Variants in IMPG1 observed in about 807,000 individuals in gnomAD.
IMPG1 encodes interphotoreceptor matrix proteoglycan of 150 kDa.
A neutral mutation model predicts 92.0 loss-of-function variants in IMPG1; 85 were observed. That is an observed-to-expected ratio of 0.92 (90% CI 0.78 to 1.11). The LOEUF is 1.11. Ranked by LOEUF, IMPG1 falls within the 50% of genes least tolerant of loss-of-function variation. IMPG1 has a pLI of 0.00. For synonymous variants in IMPG1, 367 were observed against 334.1 expected (o/e 1.10, Z -1.08); for missense variants, 1,022 against 956.0 (o/e 1.07, Z -0.91).
chr6:75,962,947 A>G (rs764144018), intron 12 of IMPG1, among the ~76,000 whole-genome samples: 12 of 152,074 alleles, frequency 7.9e-5, no homozygotes, highest in Non-Finnish European at 1.6e-4. Flanking sequence ...AGGCTGAGGC[A>G]GGAGAATCAC....
intron 8 of IMPG1, among the ~76,000 whole-genome samples, chr6:76,009,391 A>G (rs922765444): frequency 2.6e-5 from 4 of 152,218 alleles, no homozygotes; most frequent in African/African-American, 9.6e-5. Flanking sequence ...CAACCTTTAT[A>G]CAAATGAGCT....
intron 12 of IMPG1, among the ~76,000 whole-genome samples, chr6:75,975,900 T>G (rs1399445050): frequency 6.6e-6 from 1 of 152,240 alleles, no homozygotes; most frequent in Non-Finnish European, 1.5e-5. Flanking sequence ...TTATGAGCAC[T>G]GAAATGGAAT....
intron 1 of IMPG1, among the ~76,000 whole-genome samples, chr6:76,064,380 T>C (rs1165369761): frequency 1.3e-5 from 2 of 151,712 alleles, no homozygotes; most frequent in Admixed American, 6.6e-5. Flanking sequence ...CTTTTTTTTT[T>C]TTTTTTAATG....
intron 5 of IMPG1, among the ~76,000 whole-genome samples, chr6:76,022,529 AGGCAGATGTT>A (rs1171284351): frequency 9.2e-5 from 14 of 152,202 alleles, no homozygotes; most frequent in African/African-American, 3.1e-4. Flanking sequence ...AAGGACACAT[AGGCAGATGTT>A]TACCTTGAAT....
At chr6:75,939,150 T>C (rs902602779) in intron 14 of IMPG1, among the ~76,000 whole-genome samples, 13 of 152,242 alleles carry the variant, frequency 8.5e-5, no homozygotes, top group African/African-American at 3.1e-4. Context: ...TCACTAAACT[T>C]AAGACAAACT....
At chr6:76,025,170 C>A (rs371854253) in intron 5 of IMPG1, 24 bp downstream of exon 5, 1 of 1,449,704 alleles carries the variant, frequency 6.9e-7, no homozygotes, top group African/African-American at 1.4e-5. Flanking sequence ...AGTTGAGAAG[C>A]AAAGAAATTA....
chr6:76,064,374 T>C (rs1473050947), intron 1 of IMPG1, among the ~76,000 whole-genome samples: 16 of 149,660 alleles, frequency 1.1e-4, no homozygotes, highest in African/African-American at 2.0e-4. Flanking sequence ...TTTTTTCTTT[T>C]TTTTTTTTTT....
chr6:75,931,158 G>C lies in IMPG1; in HGVS notation c.2045-7C>G. 1 of 1,607,228 alleles carries C rather than the reference G, an allele frequency of 6.2e-7. No homozygotes were observed. The highest frequency in any genetic ancestry group is 8.5e-7 in the Non-Finnish European group (1 of 1,176,270). On this transcript the variant is annotated splice_polypyrimidine_tract_variant and splice_region_variant and intron_variant, in intron 14 of 16. Coordinates refer to ENST00000369950, the MANE Select transcript of IMPG1 (RefSeq NM_001563.4). ...CAGGGATCTGCTTGATCAGCTGTAA[G>C]AAATGGGGCAGATTTTAACGCATGT...
At chr6:75,925,759 A>C (rs999185595) in intron 15 of IMPG1, among the ~76,000 whole-genome samples, 3 of 152,148 alleles carry the variant, frequency 2.0e-5, no homozygotes, top group African/African-American at 7.2e-5. Flanking sequence ...TCCATCTCCC[A>C]GGTTCAAGCG....
chr6:76,014,801 A>T (rs1783255020), intron 7 of IMPG1, among the ~76,000 whole-genome samples: 1 of 152,136 alleles, frequency 6.6e-6, no homozygotes, highest in African/African-American at 2.4e-5. Flanking sequence ...CCTCTCCAGG[A>T]GGGCTCCATG....
intron 14 of IMPG1, among the ~76,000 whole-genome samples, chr6:75,938,690 G>C (rs1234850090): frequency 1.3e-5 from 2 of 152,102 alleles, no homozygotes; most frequent in Non-Finnish European, 2.9e-5. Flanking sequence ...GTGCACCCCT[G>C]TGATACCAAC....
Position 75,950,651 on chromosome 6 carries a change from G to T in IMPG1, c.1735C>A (p.Leu579Met). ...KGRELVVFFSLRVANMAFSND... is the reference protein window; with the variant it reads ...KGRELVVFFSMRVANMAFSND... The stretch of plus-strand genomic sequence containing the variant: ...GAGAAGGCCATGTTAGCAACACGCA[G>T]ACTGAAGAACACTACCAGCTCTCGG... Residue 579 changes from leucine (L) to methionine (M), a missense_variant, in exon 13 of 17, where the codon CTG becomes ATG. Leu to Met is a conservative substitution (Grantham distance 15, BLOSUM62 2). This residue lies in a region of IMPG1 where 332 missense variants were observed against 346.2 expected (regional missense o/e 0.96). Transcript: ENST00000369950. The T allele has an allele frequency of 6.2e-7, 1 of 1,613,866 alleles. No individual in the cohort carries two copies. The highest frequency in any genetic ancestry group is 1.1e-5 in the South Asian group (1 of 91,040).
intron 1 of IMPG1, among the ~76,000 whole-genome samples, chr6:76,054,570 G>T (rs1234752662): frequency 6.6e-6 from 1 of 152,054 alleles, no homozygotes; most frequent in Non-Finnish European, 1.5e-5. Context: ...TATAATAGAA[G>T]AACACTAATC....
rs151138934 is a variant in IMPG1, at chr6:75,947,525, T to C, written c.1833A>G (p.Pro611=). The C allele has an allele frequency of 1.9e-6, 3 of 1,611,876 alleles. No homozygotes were observed. The African/African-American group carries it at 4.0e-5, about 21-fold the overall frequency. Residue 611 remains proline, a synonymous_variant, in exon 14 of 17, where the codon CCA becomes CCG. Coordinates refer to ENST00000369950, the MANE Select transcript of IMPG1 (RefSeq NM_001563.4). ...LEQQFTQLLV[P]YLRSNLTGFK... ...ATCCTGTAAGATTGGATCGTAGATA[T>C]GGAACCAGCTGCAAAATAAAAGATG...
intron 6 of IMPG1, among the ~76,000 whole-genome samples, chr6:76,021,609 C>G (rs917253840): frequency 2.6e-5 from 4 of 151,738 alleles, no homozygotes; most frequent in Non-Finnish European, 4.4e-5. Context: ...TTATTTTTCC[C>G]TAGTTTTACA....
intron 1 of IMPG1, among the ~76,000 whole-genome samples, chr6:76,058,260 G>A (rs936782139): frequency 2.0e-5 from 3 of 152,162 alleles, no homozygotes; most frequent in African/African-American, 7.2e-5. Flanking sequence ...CTGAAACAAA[G>A]AGAGTGAGTG....
chr6:75,979,284 T>C (rs1407288436), intron 12 of IMPG1, among the ~76,000 whole-genome samples: 4 of 152,168 alleles, frequency 2.6e-5, no homozygotes, highest in Non-Finnish European at 5.9e-5. Flanking sequence ...TGGAGCAATA[T>C]ACTCATAGTC....
At chr6:76,046,233 T>C (rs941119733) in intron 1 of IMPG1, among the ~76,000 whole-genome samples, 1 of 152,186 alleles carries the variant, frequency 6.6e-6, no homozygotes, top group Non-Finnish European at 1.5e-5. Flanking sequence ...TTTCCCTACT[T>C]TAGGTAGTTC....
intron 12 of IMPG1, among the ~76,000 whole-genome samples, chr6:75,979,023 C>G (rs956128679): frequency 6.6e-6 from 1 of 152,104 alleles, no homozygotes; most frequent in Non-Finnish European, 1.5e-5. Flanking sequence ...GGTAATTCTC[C>G]CACCCCAGCC....
Sources: gnomAD v4.1 joint callset for allele counts (sites outside exome capture counted in the v4.1 genomes callset) on GRCh38, gnomAD v4.1.1 for gene constraint, gnomAD v4.1.1 regional missense constraint, MANE v1.5 for transcripts, NCBI Gene and HGNC (gene_info 2026-07-23, HGNC 2026-07-21) for gene names.